DISC1: variants seen among roughly 807,000 people sequenced by gnomAD.
DISC1 encodes disrupted in schizophrenia 1 protein.
DISC1 carries 57 observed loss-of-function variants against 84.5 expected under a neutral mutation model. That is an observed-to-expected ratio of 0.67 (90% CI 0.55 to 0.84). The LOEUF (loss-of-function observed/expected upper bound fraction) is 0.84. Among genes scored for constraint, DISC1 ranks in the 40% least tolerant of loss-of-function variants. The pLI is 0.00. For synonymous variants in DISC1, 411 were observed against 415.2 expected (o/e 0.99, Z 0.12); for missense variants, 1,000 against 1,057.8 (o/e 0.95, Z 0.76).
chr1:231,879,744 G>C (rs11122356), intron 9 of DISC1, among the ~76,000 whole-genome samples: 58,106 of 151,800 alleles, frequency 0.38, 11,340 homozygotes, highest in East Asian at 0.51. Flanking sequence ...GCAGGAAACA[G>C]ATGGGTGGTC....
At chr1:231,676,713 AATTT>A (rs1238770963) in intron 1 of DISC1, among the ~76,000 whole-genome samples, 4 of 152,178 alleles carry the variant, frequency 2.6e-5, no homozygotes, top group African/African-American at 9.7e-5. Flanking sequence ...AATTAAAGCC[AATTT>A]ATTATCCAGG....
rs1451013145 is a variant in DISC1 at position 231,886,865 on chromosome 1, CCTT to C, written c.1981+68349_1981+68351del. ...TTTCTTTTCTTTCTTTCTTTTCTTT[CCTT>C]TTTTTTTTTTTGAAATGGAGTCTTG... On this transcript the variant is annotated intron_variant, in intron 9 of 12. Coordinates refer to ENST00000439617, the MANE Select transcript of DISC1 (RefSeq NM_018662.3). Among the ~76,000 whole-genome samples, 6 of 65,386 alleles carry C rather than the reference CCTT, an allele frequency of 9.2e-5. 1 individual carries two copies. The highest frequency in any genetic ancestry group is 3.8e-4 in the East Asian group (1 of 2,662). 42.9% of individuals were successfully genotyped at this position (65,386 alleles called of 152,430 possible).
At chr1:231,651,568 G>C (rs1291667698) in intron 1 of DISC1, among the ~76,000 whole-genome samples, 1 of 152,202 alleles carries the variant, frequency 6.6e-6, no homozygotes, top group Non-Finnish European at 1.5e-5. Context: ...GAGGCAGTCT[G>C]TCTGTTCTCA....
intron 3 of DISC1, among the ~76,000 whole-genome samples, chr1:231,729,324 C>A (rs2071202435): frequency 6.6e-6 from 1 of 152,154 alleles, no homozygotes; most frequent in Admixed American, 6.5e-5. Context: ...GTCTTTATAG[C>A]AGCATGTTTT....
intron 9 of DISC1, among the ~76,000 whole-genome samples, chr1:231,902,025 C>T (rs949754202): frequency 6.6e-6 from 1 of 151,686 alleles, no homozygotes; most frequent in Non-Finnish European, 1.5e-5. Flanking sequence ...TTATATTTAT[C>T]ATATACATAA....
rs984932000 is a variant in DISC1, at chr1:231,934,509, C to A, written c.1982-24319C>A. 3.9e-5 allele frequency among the ~76,000 whole-genome samples: 6 copies of A among 152,264 alleles called. No homozygotes were observed. The East Asian group carries it at 5.8e-4, about 15-fold the overall frequency. ...AGCACAGATAAGTGAAGAAACAAGT[C>A]ATTTTTAAGTGACGCAAATCACAGT... On this transcript the variant is annotated intron_variant, in intron 9 of 12. Coordinates refer to ENST00000439617, the MANE Select transcript of DISC1 (RefSeq NM_018662.3).
At chr1:231,851,990 T>A (rs1418491744) in intron 9 of DISC1, among the ~76,000 whole-genome samples, 6 of 152,140 alleles carry the variant, frequency 3.9e-5, no homozygotes, top group African/African-American at 1.4e-4. Flanking sequence ...GAGGTCTGGC[T>A]GCTGTGAGGT....
chr1:231,787,548 G>A lies in DISC1; in HGVS notation c.1635-7694G>A, dbSNP rs568444003. 6.4e-4 allele frequency among the ~76,000 whole-genome samples: 97 copies of A among 152,256 alleles called. 2 individuals are homozygous for A. Among genetic ancestry groups the A allele is most frequent in the Middle Eastern group, 3.4e-3 (1 of 292 alleles). On this transcript the variant is annotated intron_variant, in intron 6 of 12. Transcript: ENST00000439617. The stretch of plus-strand genomic sequence containing the variant: ...GTAATGATATCAATTCATTCATGAG[G>A]GCAGATTCCTGGTAACCTAATCATT...
chr1:231,771,845 C>A (rs946317954), intron 6 of DISC1, among the ~76,000 whole-genome samples: 1 of 152,096 alleles, frequency 6.6e-6, no homozygotes, highest in Non-Finnish European at 1.5e-5. Flanking sequence ...GCTTTGTTGC[C>A]CAGGCTGGAG....
At chr1:231,665,919 G>T (rs553454872) in intron 1 of DISC1, among the ~76,000 whole-genome samples, 1 of 152,084 alleles carries the variant, frequency 6.6e-6, no homozygotes, top group Non-Finnish European at 1.5e-5. Context: ...TTTTCAGAGC[G>T]GCACTTCATC....
rs117982753 is a variant in DISC1 at position 231,849,512 on chromosome 1, G to A, written c.1981+30995G>A. 1.1e-4 allele frequency among the ~76,000 whole-genome samples: 16 copies of A among 152,170 alleles called. No homozygotes were observed. The East Asian group carries it at 3.1e-3, about 29-fold the overall frequency. On this transcript the variant is annotated intron_variant, in intron 9 of 12. Transcript: ENST00000439617. Reference sequence around the variant, plus strand: ...GTCAATAACCAGGAGCCAATAGCAGGGCTCTGATGATGATGATGGTGGTGT... The same window carrying A: ...GTCAATAACCAGGAGCCAATAGCAGAGCTCTGATGATGATGATGGTGGTGT...
chr1:231,727,435 G>T (rs1281197071), intron 3 of DISC1, among the ~76,000 whole-genome samples: 1 of 152,128 alleles, frequency 6.6e-6, no homozygotes, highest in Non-Finnish European at 1.5e-5. Context: ...GACAGAGAGC[G>T]AGTTTAGGAC....
At position 231,855,700 on chromosome 1, in the gene DISC1, G is replaced by T. The variant is rs565295275; in HGVS notation, c.1981+37183G>T. ...CTTTCCATGAAATGACTTTAAGGGT[G>T]ATTATATCCAAAGGGAAGTGACGTT... On this transcript the variant is annotated intron_variant, in intron 9 of 12. Coordinates refer to ENST00000439617, the MANE Select transcript of DISC1 (RefSeq NM_018662.3). Among the ~76,000 whole-genome samples the T allele has an allele frequency of 1.1e-4, 17 of 152,294 alleles. No individual in the cohort carries two copies. In the South Asian group the frequency reaches 3.3e-3, roughly 30 times the overall value.
At chr1:231,781,193 A>G (rs79752663) in intron 6 of DISC1, among the ~76,000 whole-genome samples, 1 of 13,198 alleles carries the variant, frequency 7.6e-5, no homozygotes, top group Non-Finnish European at 2.6e-4. Flanking sequence ...CAGCCTCAGG[A>G]AAAAAAAAAA....
chr1:231,948,555 G>A (rs908132160), intron 9 of DISC1, among the ~76,000 whole-genome samples: 1 of 151,928 alleles, frequency 6.6e-6, no homozygotes, highest in Non-Finnish European at 1.5e-5. Flanking sequence ...GTATATCTAT[G>A]TAACAAAACT....
chr1:231,825,027 C>T (rs1405923962), intron 9 of DISC1, among the ~76,000 whole-genome samples: 2 of 152,166 alleles, frequency 1.3e-5, no homozygotes, highest in Non-Finnish European at 2.9e-5. Flanking sequence ...CTACTGAGGT[C>T]CCTTTTAACT....
chr1:232,007,693 T>G (rs899489024), intron 10 of DISC1, among the ~76,000 whole-genome samples: 9 of 152,186 alleles, frequency 5.9e-5, no homozygotes, highest in African/African-American at 1.9e-4. Flanking sequence ...AATGCTGGAA[T>G]GGATTAAAAC....
intron 9 of DISC1, among the ~76,000 whole-genome samples, chr1:231,876,853 A>T (rs897897351): frequency 2.6e-5 from 4 of 152,060 alleles, no homozygotes; most frequent in African/African-American, 4.8e-5. Flanking sequence ...TGTCCCTCCC[A>T]CCTTTCTTTG....
chr1:231,685,398 G>T (rs2064144705), intron 1 of DISC1, among the ~76,000 whole-genome samples: 1 of 152,060 alleles, frequency 6.6e-6, no homozygotes, highest in Admixed American at 6.6e-5. Flanking sequence ...GTTCCACATG[G>T]CTGGGGAGGC....
Sources: allele counts gnomAD v4.1 joint callset (sites outside exome capture counted in the v4.1 genomes callset), GRCh38; gene constraint gnomAD v4.1.1; transcripts MANE v1.5; gene names NCBI Gene and HGNC (gene_info 2026-07-23, HGNC 2026-07-21).